The following CCR3 variants were observed in gnomAD, a reference collection of about 807,000 sequenced individuals.
CCR3 encodes C-C chemokine receptor type 3.
For synonymous variants in CCR3, 203 were observed against 179.2 expected (o/e 1.13, Z -1.06); for missense variants, 419 against 437.5 (o/e 0.96, Z 0.38).
intron 1 of CCR3, among the ~76,000 whole-genome samples, chr3:46,242,757 C>A (rs150075531): frequency 1.6e-4 from 25 of 151,828 alleles, no homozygotes; most frequent in African/African-American, 6.0e-4. Flanking sequence ...CCCATCCACA[C>A]AATGATAAGT....
At chr3:46,223,378 C>T (rs1221790205) in intron 2 of CCR3, among the ~76,000 whole-genome samples, 1 of 152,180 alleles carries the variant, frequency 6.6e-6, no homozygotes, top group Non-Finnish European at 1.5e-5. Context: ...TCTTTTGAGT[C>T]TGGGCTTACA....
chr3:46,220,669 G>A (rs1037396732), intron 2 of CCR3, among the ~76,000 whole-genome samples: 18 of 152,202 alleles, frequency 1.2e-4, no homozygotes, highest in Non-Finnish European at 2.2e-4. Flanking sequence ...ATTCTACTCA[G>A]CCACAAAAAG....
chr3:46,222,304 A>G (rs1699846777), intron 2 of CCR3, among the ~76,000 whole-genome samples: 1 of 152,162 alleles, frequency 6.6e-6, no homozygotes, highest in Non-Finnish European at 1.5e-5. Flanking sequence ...ATGAACTTCT[A>G]GCTAGACTGG....
chr3:46,265,764 A>C lies in CCR3; in HGVS notation c.606A>C (p.Arg202Ser), dbSNP rs773404555. ...GCTGGAGGCATTTCCACACTCTGAG[A>C]ATGACCATCTTCTGTCTCGTTCTCC... is the stretch of plus-strand genomic sequence containing the variant. ...VYSWRHFHTL[R>S]MTIFCLVLPL... Residue 202 changes from arginine to serine, a missense_variant, in exon 2 of 2, where the codon AGA becomes AGC. By Grantham distance (110) the Arg-to-Ser change is moderately radical (BLOSUM62 -1). Coordinates refer to ENST00000395940, the MANE Select transcript of CCR3 (RefSeq NM_178329.3). 2 of 1,613,816 alleles carry C rather than the reference A, an allele frequency of 1.2e-6. No individual in the cohort carries two copies. The highest frequency in any genetic ancestry group is 1.7e-6 in the Non-Finnish European group (2 of 1,179,992).
chr3:46,236,893 G>C (rs1000914562), intron 2 of CCR3, among the ~76,000 whole-genome samples: 1 of 152,208 alleles, frequency 6.6e-6, no homozygotes, highest in Non-Finnish European at 1.5e-5. Context: ...AAGTTGTCCC[G>C]CAGGCAGCTG....
intron 1 of CCR3, among the ~76,000 whole-genome samples, chr3:46,248,102 A>T (rs948050741): frequency 4.6e-5 from 7 of 151,956 alleles, no homozygotes; most frequent in Non-Finnish European, 2.9e-5. Context: ...AGAAGGAGAT[A>T]TGGGGAAATG....
At chr3:46,259,457 G>A (rs921074504) in intron 1 of CCR3, among the ~76,000 whole-genome samples, 5 of 152,046 alleles carry the variant, frequency 3.3e-5, no homozygotes, top group Non-Finnish European at 5.9e-5. Flanking sequence ...ACAACACATG[G>A]CTGGTAAAAT....
Position 46,266,270 on chromosome 3 carries a change from G to A in CCR3, c.*44G>A. 3 of 1,288,308 alleles carry A rather than the reference G, an allele frequency of 2.3e-6. No homozygotes were observed. Among genetic ancestry groups the A allele is most frequent in the Non-Finnish European group, 3.3e-6 (3 of 905,250 alleles). 79.8% of individuals were successfully genotyped at this position (1,288,308 alleles called of 1,614,324 possible). A position where few individuals can be genotyped will look rare whatever the true frequency, so the allele number is the denominator to read the frequency against. On this transcript the variant is annotated 3_prime_UTR_variant, in exon 2 of 2. Coordinates refer to ENST00000395940, the MANE Select transcript of CCR3 (RefSeq NM_178329.3). ...CCTAAAGAGGAAGGACCAAGGAGAT[G>A]AAGCAAACACATTAAGCCTTCCACA...
chr3:46,265,593 G>C lies in CCR3; in HGVS notation c.435G>C (p.Arg145=). The C allele has an allele frequency of 6.2e-7, 1 of 1,614,128 alleles. No homozygotes were observed. The highest frequency in any genetic ancestry group is 8.5e-7 in the Non-Finnish European group (1 of 1,180,016). Residue 145 remains arginine, a synonymous_variant, in exon 2 of 2, where the codon CGG becomes CGC. Coordinates refer to ENST00000395940, the MANE Select transcript of CCR3 (RefSeq NM_178329.3). ...ATGCTGTGTTTGCCCTTCGAGCCCG[G>C]ACTGTCACTTTTGGTGTCATCACCA... ...IVHAVFALRA[R]TVTFGVITSI...
intron 1 of CCR3, among the ~76,000 whole-genome samples, chr3:46,259,333 A>G (rs1349106639): frequency 1.3e-5 from 2 of 152,212 alleles, no homozygotes; most frequent in South Asian, 2.1e-4. Flanking sequence ...TGGATGAACA[A>G]TGGTTTAAAA....
At chr3:46,252,150 C>G (rs1209593213) in intron 1 of CCR3, among the ~76,000 whole-genome samples, 1 of 150,146 alleles carries the variant, frequency 6.7e-6, no homozygotes, top group East Asian at 2.0e-4. Flanking sequence ...TGCTCAATAG[C>G]CATGAGGCTA....
At chr3:46,253,932 C>T (rs1253868679) in intron 1 of CCR3, among the ~76,000 whole-genome samples, 2 of 151,770 alleles carry the variant, frequency 1.3e-5, no homozygotes, top group Admixed American at 6.6e-5. Flanking sequence ...TAAAAAGGCT[C>T]AGAAAACTTG....
chr3:46,264,633 T>C (rs1575513598), intron 1 of CCR3: 1 of 559,422 alleles, frequency 1.8e-6, no homozygotes, highest in Non-Finnish European at 3.1e-6. Context: ...TTAACTATAA[T>C]GAATGGCTCA....
At chr3:46,235,896 T>G (rs974577932) in intron 2 of CCR3, among the ~76,000 whole-genome samples, 1 of 152,352 alleles carries the variant, frequency 6.6e-6, no homozygotes, top group Admixed American at 6.5e-5. Flanking sequence ...CCTTGCAAGA[T>G]GCTGATGCTG....
intron 1 of CCR3, chr3:46,263,345 CTG>C (rs546328853): frequency 6.4e-4 from 99 of 155,064 alleles, no homozygotes; most frequent in African/African-American, 2.3e-3. Flanking sequence ...GAAGGACACT[CTG>C]TGATTGTACG....
intron 1 of CCR3, among the ~76,000 whole-genome samples, chr3:46,255,845 A>G (rs1700412238): frequency 6.6e-6 from 1 of 151,852 alleles, no homozygotes; most frequent in Non-Finnish European, 1.5e-5. Flanking sequence ...TGATGCCTCC[A>G]GGTTTGTTCT....
rs141929011 is a variant in CCR3, at chr3:46,215,342, C to T, written c.-68+4435C>T. On this transcript the variant is annotated intron_variant, in intron 2 of 3. Coordinates refer to the CCR3 transcript ENST00000357422. ...GGTGAGGTATGTGAACCAGCAGCATCTGTGTCACCTGGGAGCTTGGTGGAA... is the reference window on the plus strand; with the variant it reads ...GGTGAGGTATGTGAACCAGCAGCATTTGTGTCACCTGGGAGCTTGGTGGAA... 1.2e-3 allele frequency among the ~76,000 whole-genome samples: 179 copies of T among 152,300 alleles called. 4 individuals carry two copies. Among genetic ancestry groups the T allele is most frequent in the South Asian group, 5.2e-3 (25 of 4,824 alleles).
In CCR3 at chr3:46,265,156, GA is replaced by G; in HGVS notation, c.1del. The G allele has an allele frequency of 6.3e-7, 1 of 1,594,212 alleles. No homozygotes were observed. The highest frequency in any genetic ancestry group is 1.1e-5 in the South Asian group (1 of 89,442). On this transcript the variant is annotated 5_prime_UTR_variant, in exon 2 of 2. Transcript: ENST00000395940. ...TTCTTCTTCTATCACAGGGAGAAGT[GA>G]AATGACAACCTCACTAGATACAGTT... is the stretch of plus-strand genomic sequence containing the variant.
chr3:46,243,095 T>C (rs1483119478), intron 1 of CCR3, among the ~76,000 whole-genome samples: 2 of 151,176 alleles, frequency 1.3e-5, no homozygotes, highest in African/African-American at 4.9e-5. Flanking sequence ...CCAAAATTCA[T>C]AGATGCTCAA....
Sources: gnomAD v4.1 joint callset for allele counts (sites outside exome capture counted in the v4.1 genomes callset) on GRCh38, gnomAD v4.1.1 for gene constraint, MANE v1.5 for transcripts, NCBI Gene and HGNC (gene_info 2026-07-23, HGNC 2026-07-21) for gene names.